POLR1D: variants seen among roughly 807,000 people sequenced by gnomAD.
POLR1D encodes the protein RNA polymerase I and III subunit D.
POLR1D carries 8 observed loss-of-function variants against 10.8 expected under a neutral mutation model. That is an observed-to-expected ratio of 0.74 (90% CI 0.43 to 1.33). POLR1D has a LOEUF of 1.33. POLR1D is among the 40% of genes most tolerant of loss of function. The probability of loss-of-function intolerance (pLI) is 0.01; values close to 1 mark genes in which losing one functional copy is unlikely to be tolerated. For missense variants in POLR1D, 152 were observed against 161.7 expected (o/e 0.94, Z 0.32); for synonymous variants, 54 against 57.2 (o/e 0.94, Z 0.25).
intron 2 of POLR1D, among the ~76,000 whole-genome samples, chr13:27,649,880 A>G (rs552063464): frequency 7.9e-5 from 12 of 152,192 alleles, no homozygotes; most frequent in Non-Finnish European, 1.2e-4. Context: ...GCCCAGAGTT[A>G]GCCAAACTGC....
intron 2 of POLR1D, among the ~76,000 whole-genome samples, chr13:27,653,980 T>C (rs1172678697): frequency 6.6e-6 from 1 of 152,216 alleles, no homozygotes; most frequent in Non-Finnish European, 1.5e-5. Flanking sequence ...TAGGTGATAC[T>C]AAAGTTGTCA....
chr13:27,643,531 A>G (rs1218620234), intron 1 of POLR1D, among the ~76,000 whole-genome samples: 1 of 152,158 alleles, frequency 6.6e-6, no homozygotes, highest in Non-Finnish European at 1.5e-5. Context: ...TGACTACTAA[A>G]CCACTAGTTA....
chr13:27,622,843 T>G, intron 1 of POLR1D, 32 bp from the exon 2 acceptor site: 2 of 1,423,048 alleles, frequency 1.4e-6, no homozygotes, highest in Non-Finnish European at 2.0e-6. Flanking sequence ...ATATTCAGTA[T>G]GATCTCATTT....
chr13:27,643,653 G>A (rs140504464), intron 1 of POLR1D, among the ~76,000 whole-genome samples: 11 of 152,176 alleles, frequency 7.2e-5, no homozygotes, highest in African/African-American at 2.4e-4. Context: ...ACTGAAGATC[G>A]AGTAGATAGT....
chr13:27,645,912 C>A (rs900669622), intron 1 of POLR1D, among the ~76,000 whole-genome samples: 2 of 152,164 alleles, frequency 1.3e-5, no homozygotes, highest in Non-Finnish European at 2.9e-5. Context: ...AAAGAAGAGT[C>A]ACTGTCAAAC....
chr13:27,621,567 TGGGAA>T (rs1955919041), upstream of POLR1D: 1 of 153,922 alleles, frequency 6.5e-6, no homozygotes, highest in Non-Finnish European at 1.4e-5. Flanking sequence ...GACTTGCCAC[TGGGAA>T]GGGAAGTGAT....
At chr13:27,625,477 C>T (rs1955999525), downstream of POLR1D, among the ~76,000 whole-genome samples, 1 of 151,912 alleles carries the variant, frequency 6.6e-6, no homozygotes, top group South Asian at 2.1e-4. Flanking sequence ...GCTTTGGGGC[C>T]AATTACTGAA....
chr13:27,647,977 T>C (rs1247558427), intron 1 of POLR1D: 1 of 185,878 alleles, frequency 5.4e-6, no homozygotes, highest in Non-Finnish European at 1.1e-5. Context: ...CACTAACTAA[T>C]GGGCAGAAAC....
At chr13:27,660,894 A>G (rs905824090) in intron 2 of POLR1D, 1 of 152,126 alleles carries the variant, frequency 6.6e-6, no homozygotes, top group East Asian at 1.9e-4. Context: ...ATGAGGCAAC[A>G]TTGGTAATGG....
intron 1 of POLR1D, among the ~76,000 whole-genome samples, chr13:27,632,560 C>T (rs1956085035): frequency 6.6e-6 from 1 of 152,152 alleles, no homozygotes; most frequent in Admixed American, 6.5e-5. Flanking sequence ...TGCAATCCGA[C>T]TAGACCAAAG....
chr13:27,666,242 C>G (rs1347569399), exon 3 of POLR1D: 8 of 340,830 alleles, frequency 2.3e-5, no homozygotes, highest in Non-Finnish European at 4.3e-5. Flanking sequence ...ATAAACATGT[C>G]TAGAATTTAA....
rs181331406 is a variant in POLR1D at position 27,666,179 on chromosome 13, A to G, written c.*226A>G. 822 of 557,570 alleles carry G rather than the reference A, an allele frequency of 1.5e-3. 7 individuals carry two copies. Among genetic ancestry groups the G allele is most frequent in the African/African-American group, 0.014 (739 of 53,654 alleles). 34.5% of individuals were successfully genotyped at this position (557,570 alleles called of 1,614,324 possible). On this transcript the variant is annotated 3_prime_UTR_variant, in exon 3 of 3. Coordinates refer to the POLR1D transcript ENST00000399697. Reference sequence around the variant, plus strand: ...CTTGGCAAGTTTAAGCTACTTCTGCAGTGTAGTAGACTTACATATTGTTGT... The same window carrying G: ...CTTGGCAAGTTTAAGCTACTTCTGCGGTGTAGTAGACTTACATATTGTTGT...
At chr13:27,642,552 T>C (rs1305567033) in intron 1 of POLR1D, among the ~76,000 whole-genome samples, 1 of 152,218 alleles carries the variant, frequency 6.6e-6, no homozygotes, top group African/African-American at 2.4e-5. Context: ...CTATTCTGTC[T>C]ACAGATGCAG....
chr13:27,638,128 G>T (rs754717847), intron 1 of POLR1D, among the ~76,000 whole-genome samples: 1 of 152,180 alleles, frequency 6.6e-6, no homozygotes, highest in Non-Finnish European at 1.5e-5. Context: ...GCCTGGTCTG[G>T]CAGTCCCCAC....
intron 2 of POLR1D, chr13:27,651,027 T>A (rs977217704): frequency 2.0e-5 from 3 of 152,198 alleles, no homozygotes; most frequent in African/African-American, 7.2e-5. Flanking sequence ...TAGAATAATA[T>A]TATCATCATT....
rs80291367 is a variant in POLR1D, at chr13:27,642,997, T to A, written c.27-5382T>A. ...CTTCCAGTCTTTTACCAGCATAAGT[T>A]CTTCTTAAAAATTCAGCACCTTTTC... is the stretch of plus-strand genomic sequence containing the variant. On this transcript the variant is annotated intron_variant, in intron 1 of 2. Transcript: ENST00000399697. Among the ~76,000 whole-genome samples the A allele has an allele frequency of 2.1e-3, 319 of 152,326 alleles. 1 individual carries two copies. The highest frequency in any genetic ancestry group is 3.3e-3 in the Admixed American group (51 of 15,290).
intron 2 of POLR1D, among the ~76,000 whole-genome samples, chr13:27,659,429 A>G (rs1956337706): frequency 6.6e-6 from 1 of 152,220 alleles, no homozygotes; most frequent in African/African-American, 2.4e-5. Flanking sequence ...ACAGAGATCC[A>G]AAGCCTTTAT....
intron 2 of POLR1D, among the ~76,000 whole-genome samples, chr13:27,659,356 G>A (rs1230391031): frequency 6.6e-6 from 1 of 152,144 alleles, no homozygotes; most frequent in Non-Finnish European, 1.5e-5. Context: ...CCAATGAGGA[G>A]GGGAGCAAGG....
At chr13:27,623,590 G>A (rs573646422), downstream of POLR1D, 1 of 268,746 alleles carries the variant, frequency 3.7e-6, no homozygotes, top group African/African-American at 2.2e-5. Context: ...ATTAAAAGAA[G>A]TATATATCCA....
Sources: allele counts gnomAD v4.1 joint callset (sites outside exome capture counted in the v4.1 genomes callset), GRCh38; gene constraint gnomAD v4.1.1; transcripts MANE v1.5; gene names NCBI Gene and HGNC (gene_info 2026-07-23, HGNC 2026-07-21).